SUGCT: variants seen among roughly 807,000 people sequenced by gnomAD.
SUGCT encodes the protein succinyl-CoA:glutarate CoA-transferase.
SUGCT carries 41 observed loss-of-function variants against 55.0 expected under a neutral mutation model. The ratio of observed to expected loss-of-function variants is 0.74; its 90% confidence interval spans 0.58 to 0.97. SUGCT has a LOEUF of 0.97. SUGCT is among the 50% of genes least tolerant of loss of function. The probability of loss-of-function intolerance (pLI) is 0.00; values close to 1 mark genes in which losing one functional copy is unlikely to be tolerated. For missense variants in SUGCT, 568 were observed against 547.8 expected (o/e 1.04, Z -0.37); for synonymous variants, 187 against 200.4 (o/e 0.93, Z 0.56).
At chr7:40,181,834 AACTGTTTTG>A in intron 2 of SUGCT, 112 bp from the exon 3 acceptor site, 1 of 605,242 alleles carries the variant, frequency 1.7e-6, no homozygotes, top group Non-Finnish European at 2.9e-6. Flanking sequence ...TTACAGTTTT[AACTGTTTTG>A]ATTCTTACTA....
intron 1 of SUGCT, among the ~76,000 whole-genome samples, chr7:40,136,241 G>T (rs1233021011): frequency 1.3e-5 from 2 of 152,028 alleles, no homozygotes; most frequent in Admixed American, 6.5e-5. Flanking sequence ...CAAGTGATCC[G>T]CCTGCCTCTG....
the SUGCT span, among the ~76,000 whole-genome samples, chr7:40,870,472 A>C: frequency 6.6e-6 from 1 of 152,114 alleles, no homozygotes; most frequent in East Asian, 1.9e-4. Context: ...GCCCACCCAC[A>C]CAGTCCAAAA....
Position 40,425,202 on chromosome 7 carries a change from G to T in SUGCT, c.817-24085G>T, listed in dbSNP as rs908105315. Among the ~76,000 whole-genome samples, 86 of 152,182 alleles carry T rather than the reference G, an allele frequency of 5.7e-4. No homozygotes were observed. The Middle Eastern group carries it at 0.01, about 18-fold the overall frequency. ...ATTGTGTGTGTGTGAGGGCCTTCTT[G>T]TTTCTTACCTTATAAAATGTCCTCA... On this transcript the variant is annotated intron_variant, in intron 9 of 13. Transcript: ENST00000335693.
chr7:40,321,170 G>T (rs939979015), intron 9 of SUGCT, among the ~76,000 whole-genome samples: 1 of 144,558 alleles, frequency 6.9e-6, no homozygotes, highest in African/African-American at 2.6e-5. Context: ...CTGCCTCCTC[G>T]GTTCAAGTGA....
At chr7:40,997,951 C>T in the SUGCT span, among the ~76,000 whole-genome samples, 1 of 152,132 alleles carries the variant, frequency 6.6e-6, no homozygotes, top group Non-Finnish European at 1.5e-5. Context: ...AAGCAACCTG[C>T]TCAATGCTCA....
intron 12 of SUGCT, among the ~76,000 whole-genome samples, chr7:40,679,750 G>A (rs917553423): frequency 1.3e-5 from 2 of 152,118 alleles, no homozygotes; most frequent in Non-Finnish European, 2.9e-5. Context: ...AGGCTAAATT[G>A]CTCAGGAACT....
chr7:40,678,911 C>T (rs763075388), intron 12 of SUGCT, among the ~76,000 whole-genome samples: 13 of 152,118 alleles, frequency 8.5e-5, no homozygotes, highest in African/African-American at 2.9e-4. Flanking sequence ...CAAAGAAACC[C>T]GTGGCAAATA....
the SUGCT span, among the ~76,000 whole-genome samples, chr7:40,930,956 C>A: frequency 1.8e-4 from 28 of 152,128 alleles, no homozygotes; most frequent in East Asian, 5.8e-4. Flanking sequence ...TTCCAACACT[C>A]TGTTGAATAG....
chr7:40,895,227 C>T, the SUGCT span, among the ~76,000 whole-genome samples: 1 of 152,038 alleles, frequency 6.6e-6, no homozygotes, highest in Non-Finnish European at 1.5e-5. Flanking sequence ...AATCAAATAC[C>T]ACATGTGCTC....
chr7:40,666,005 C>G (rs938751654), intron 12 of SUGCT, among the ~76,000 whole-genome samples: 1 of 151,788 alleles, frequency 6.6e-6, no homozygotes, highest in African/African-American at 2.4e-5. Flanking sequence ...AGGATTTGAT[C>G]GACAGTTTGA....
At chr7:40,640,470 C>T (rs1800221218) in intron 12 of SUGCT, among the ~76,000 whole-genome samples, 1 of 152,146 alleles carries the variant, frequency 6.6e-6, no homozygotes, top group South Asian at 2.1e-4. Flanking sequence ...TACTTGGCTG[C>T]TGTATTGGTA....
At chr7:40,249,327 A>ATATATATATATATATC (rs1790168910) in intron 7 of SUGCT, among the ~76,000 whole-genome samples, 1 of 117,714 alleles carries the variant, frequency 8.5e-6, no homozygotes, top group African/African-American at 3.5e-5. Flanking sequence ...ATATATATAT[A>ATATATATATATATATC]TATATATATA....
At chr7:40,629,953 A>G (rs1026969340) in intron 12 of SUGCT, among the ~76,000 whole-genome samples, 27 of 152,152 alleles carry the variant, frequency 1.8e-4, no homozygotes, top group Admixed American at 3.3e-4. Flanking sequence ...TTTGAGGCCA[A>G]TTTCATTGGA....
intron 13 of SUGCT, among the ~76,000 whole-genome samples, chr7:40,757,260 C>G (rs1788302036): frequency 6.6e-6 from 1 of 152,110 alleles, no homozygotes; most frequent in African/African-American, 2.4e-5. Flanking sequence ...CATCAGGCAC[C>G]AGAGAAGCAT....
intron 12 of SUGCT, among the ~76,000 whole-genome samples, chr7:40,638,315 T>C (rs1800109683): frequency 3.3e-5 from 5 of 152,200 alleles, no homozygotes; most frequent in Admixed American, 3.3e-4. Flanking sequence ...GCTTTTTGCT[T>C]TAATAATATT....
At chr7:40,482,637 A>G (rs550474861) in intron 11 of SUGCT, among the ~76,000 whole-genome samples, 8 of 152,140 alleles carry the variant, frequency 5.3e-5, no homozygotes, top group Middle Eastern at 3.2e-3. Flanking sequence ...TAACTTTCCT[A>G]TATTATGTTT....
chr7:40,945,099 G>A, the SUGCT span, among the ~76,000 whole-genome samples: 4 of 152,080 alleles, frequency 2.6e-5, no homozygotes, highest in Non-Finnish European at 5.9e-5. Flanking sequence ...ATATCTATGG[G>A]TAAAAACAAG....
chr7:40,963,247 A>G, the SUGCT span, among the ~76,000 whole-genome samples: 4 of 151,788 alleles, frequency 2.6e-5, no homozygotes, highest in South Asian at 6.2e-4. Flanking sequence ...GGTATCATGG[A>G]CTCCCCAAGT....
intron 13 of SUGCT, chr7:40,808,056 C>G (rs76391180): frequency 6.6e-6 from 1 of 152,264 alleles, no homozygotes; most frequent in South Asian, 2.1e-4. Flanking sequence ...ATAGACACAC[C>G]GAGGAACAAT....
Sources: gnomAD v4.1 joint callset for allele counts (sites outside exome capture counted in the v4.1 genomes callset) on GRCh38, gnomAD v4.1.1 for gene constraint, MANE v1.5 for transcripts, NCBI Gene and HGNC (gene_info 2026-07-23, HGNC 2026-07-21) for gene names.